The following KRT3 variants were observed in gnomAD, a reference collection of about 807,000 sequenced individuals.
KRT3 encodes keratin, type II cytoskeletal 3.
Under a neutral mutation model 45.8 loss-of-function variants are expected in KRT3, and 34 were observed. The observed-to-expected ratio is 0.74, with a 90% CI of 0.57 to 0.99. The LOEUF (loss-of-function observed/expected upper bound fraction) is 0.99. KRT3 is among the 50% of genes least tolerant of loss of function. The pLI is 0.00. For missense variants in KRT3, 828 were observed against 820.6 expected (o/e 1.01, Z -0.11); for synonymous variants, 367 against 329.0 (o/e 1.12, Z -1.25).
rs1302586382 is a variant in KRT3, at chr12:52,795,672, C to T, written c.371G>A (p.Gly124Asp). The change falls in exon 1 of 9, where the codon GGC becomes GAC. Residue 124 changes from glycine (G) to aspartate (D), a missense_variant. Coordinates refer to ENST00000417996, the MANE Select transcript of KRT3 (RefSeq NM_057088.3). ...GMGGGFGGAG[G>D]FGGAGGFGGA... is the part of the protein sequence containing the mutation. ...TCCAAAGCCACCAGCCCCTCCAAAG[C>T]CACCAGCTCCACCAAAGCCACCTCC... is the stretch of plus-strand genomic sequence containing the variant. 6.2e-6 allele frequency: 10 copies of T among 1,606,784 alleles called. No homozygotes were observed. Among genetic ancestry groups the T allele is most frequent in the Non-Finnish European group, 8.5e-6 (10 of 1,177,692 alleles).
rs748734269 is a variant in KRT3, at chr12:52,795,576, C to T, written c.467G>A (p.Gly156Asp). ...SGGFGGPGSL[G>D]SPGGFGPGGF... ...CCCAGGGCCAAAGCCACCAGGACTGCCCAAGCTGCCAGGCCCACCAAAGCC... is the reference window on the plus strand; with the variant it reads ...CCCAGGGCCAAAGCCACCAGGACTGTCCAAGCTGCCAGGCCCACCAAAGCC... Residue 156 changes from glycine (G) to aspartate (D), a missense_variant, in exon 1 of 9, where the codon GGC becomes GAC. By Grantham distance (94) the Gly-to-Asp change is moderately conservative. Transcript: ENST00000417996. 1.2e-6 allele frequency: 2 copies of T among 1,608,448 alleles called. No homozygotes were observed. Among genetic ancestry groups the T allele is most frequent in the African/African-American group, 1.3e-5 (1 of 74,710 alleles).
chr12:52,792,532 T>A (rs1329320303), intron 4 of KRT3, 129 bp from the exon 5 acceptor site: 5 of 1,045,024 alleles, frequency 4.8e-6, no homozygotes, highest in South Asian at 1.3e-5. Context: ...CCACACCCTG[T>A]CCGCAGCCAC....
chr12:52,790,700 G>A, intron 8 of KRT3, 138 bp downstream of exon 8: 2 of 842,202 alleles, frequency 2.4e-6, no homozygotes, highest in Non-Finnish European at 3.9e-6. Context: ...AATTACAAAA[G>A]CCAATCACTT....
intron 7 of KRT3, 30 bp downstream of exon 7, chr12:52,791,176 G>A: frequency 1.9e-6 from 3 of 1,613,922 alleles, no homozygotes; most frequent in Non-Finnish European, 2.5e-6. Context: ...TTGAGCCAGG[G>A]GGTGTGGGAA....
Position 52,790,112 on chromosome 12 carries a change from G to C in KRT3, c.1817C>G (p.Ser606Trp), listed in dbSNP as rs1036440282. ...GATGCTGCCGCCCCGGTTGCTGGCC[G>C]AGCTGAAGCCCCCGCCACTGACTCC... ...RYGVSGGGFSSASNRGGSIKF... is the reference protein window; with the variant it reads ...RYGVSGGGFSWASNRGGSIKF... Residue 606 changes from serine (S) to tryptophan (W), a missense_variant, in exon 9 of 9, where the codon TCG (serine) becomes TGG (tryptophan). By Grantham distance (177) the Ser-to-Trp change is radical. Transcript: ENST00000417996. The C allele has an allele frequency of 3.1e-5, 48 of 1,543,874 alleles. No homozygotes were observed. Among genetic ancestry groups the C allele is most frequent in the Non-Finnish European group, 4.1e-5 (47 of 1,146,872 alleles).
intron 8 of KRT3, 98 bp from the exon 9 acceptor site, chr12:52,790,456 G>T: frequency 5.0e-6 from 6 of 1,207,390 alleles, no homozygotes; most frequent in Non-Finnish European, 4.5e-6. Context: ...ATCCAGAGCT[G>T]ATCAAGGCAG....
chr12:52,791,463 G>A (rs774016769), intron 6 of KRT3, 37 bp from the exon 7 acceptor site: 13 of 1,602,902 alleles, frequency 8.1e-6, no homozygotes, highest in African/African-American at 1.3e-5. Context: ...AGCTCAGTAA[G>A]AGGGCCCCAG....
At chr12:52,791,849 G>A in intron 5 of KRT3, 33 bp from the exon 6 acceptor site, 1 of 1,601,678 alleles carries the variant, frequency 6.2e-7, no homozygotes, top group Non-Finnish European at 8.5e-7. Context: ...GGGTATTCCT[G>A]CAGCTTTGCT....
chr12:52,790,214 A>T lies in KRT3; in HGVS notation c.1715T>A (p.Ile572Asn). The change falls in exon 9 of 9, where the codon ATC (isoleucine) becomes AAC (asparagine). Residue 572 changes from isoleucine to asparagine, a missense_variant. Transcript: ENST00000417996. ...SGFGRGGGGG[I>N]GGGFGGGSSG... The stretch of plus-strand genomic sequence containing the variant: ...GCTGCCGCCGCCAAATCCACCGCCG[A>T]TTCCACCGCCGCCTCCCCGGCCAAA... The T allele has an allele frequency of 6.8e-7, 1 of 1,476,868 alleles. No homozygotes were observed. The highest frequency in any genetic ancestry group is 9.1e-7 in the Non-Finnish European group (1 of 1,098,998). 91.5% of individuals were successfully genotyped at this position (1,476,868 alleles called of 1,614,324 possible).
At chr12:52,795,025 G>A (rs1306242526) in intron 1 of KRT3, among the ~76,000 whole-genome samples, 1 of 152,162 alleles carries the variant, frequency 6.6e-6, no homozygotes, top group African/African-American at 2.4e-5. Flanking sequence ...GCCTCAGAGG[G>A]CAGCTTGTAT....
chr12:52,795,725 A>G lies in KRT3; in HGVS notation c.318T>C (p.Gly106=). ...GFGSGYGGGF[G]GGFGGGRGMG... is the part of the protein sequence containing the mutation. ...TTCCTCTGCCACCACCAAAGCCACC[A>G]CCAAAGCCACCTCCATAGCCGCTCC... is the stretch of plus-strand genomic sequence containing the variant. The change falls in exon 1 of 9, where the codon GGT becomes GGC. Residue 106 remains glycine, a synonymous_variant. Transcript: ENST00000417996. 6.2e-7 allele frequency: 1 copy of G among 1,612,960 alleles called. No homozygotes were observed. Among genetic ancestry groups the G allele is most frequent in the Non-Finnish European group, 8.5e-7 (1 of 1,179,462 alleles).
At chr12:52,792,997 G>A (rs1169015167) in intron 3 of KRT3, among the ~76,000 whole-genome samples, 166 bp downstream of exon 3, 1 of 152,008 alleles carries the variant, frequency 6.6e-6, no homozygotes, top group African/African-American at 2.4e-5. Context: ...AAAGACTGAT[G>A]AACTAACTCT....
intron 4 of KRT3, 48 bp from the exon 5 acceptor site, chr12:52,792,451 G>T: frequency 6.4e-7 from 1 of 1,564,430 alleles, no homozygotes; most frequent in Non-Finnish European, 8.8e-7. Flanking sequence ...CCTGTAACAA[G>T]CACACAGGGC....
At chr12:52,792,144 C>T (rs1939526340) in intron 5 of KRT3, 95 bp downstream of exon 5, 5 of 1,052,780 alleles carry the variant, frequency 4.7e-6, no homozygotes, top group Non-Finnish European at 7.0e-6. Context: ...AGGCATTCAC[C>T]CAGTGACCAC....
At chr12:52,790,391 A>G (rs2121216206) in intron 8 of KRT3, 33 bp from the exon 9 acceptor site, 1 of 1,557,096 alleles carries the variant, frequency 6.4e-7, no homozygotes, top group Non-Finnish European at 8.7e-7. Flanking sequence ...GCGATCAGCG[A>G]CGGCGCCCAG....
chr12:52,790,450 A>C lies in KRT3; in HGVS notation c.1571-92T>G. On this transcript the variant is annotated intron_variant, in intron 8 of 8. Transcript: ENST00000417996. ...TGATCCACCGGGCCCACGACTATCC[A>C]GAGCTGATCAAGGCAGCTTTGCACA... The C allele has an allele frequency of 2.3e-6, 3 of 1,276,904 alleles. No homozygotes were observed. In the South Asian group the frequency reaches 4.6e-5, roughly 20 times the overall value. 79.1% of individuals were successfully genotyped at this position (1,276,904 alleles called of 1,614,324 possible).
At chr12:52,792,830 C>T (rs776211860) in intron 3 of KRT3, 24 bp from the exon 4 acceptor site, 2 of 1,465,728 alleles carry the variant, frequency 1.4e-6, no homozygotes. Context: ...AAGATAAAGG[C>T]CTTATTCTCC....
At chr12:52,793,263 G>A (rs1456805394) in intron 2 of KRT3, 40 bp from the exon 3 acceptor site, 1 of 1,453,636 alleles carries the variant, frequency 6.9e-7, no homozygotes, top group African/African-American at 1.4e-5. Context: ...TTGGTTTTGA[G>A]GTCATCGTAA....
At chr12:52,793,287 C>G in intron 2 of KRT3, 64 bp from the exon 3 acceptor site, 4 of 1,133,676 alleles carry the variant, frequency 3.5e-6, no homozygotes, top group Non-Finnish European at 5.2e-6. Flanking sequence ...CCATTGTTCC[C>G]TGGAACTCTG....
Sources: allele counts gnomAD v4.1 joint callset (sites outside exome capture counted in the v4.1 genomes callset), GRCh38; gene constraint gnomAD v4.1.1; transcripts MANE v1.5; gene names NCBI Gene and HGNC (gene_info 2026-07-23, HGNC 2026-07-21).